The following SVEP1 variants were observed in gnomAD, a reference collection of about 807,000 sequenced individuals.
The protein encoded by SVEP1 is sushi, von Willebrand factor type A, EGF and pentraxin domain-containing protein 1.
SVEP1 carries 164 observed loss-of-function variants against 367.3 expected under a neutral mutation model. The ratio of observed to expected loss-of-function variants is 0.45; its 90% CI spans 0.39 to 0.51. SVEP1 has a LOEUF of 0.51. Among genes scored for constraint, SVEP1 ranks in the 20% least tolerant of loss-of-function variants. The pLI is 0.00. For missense variants in SVEP1, 4,117 were observed against 4,425.3 expected, an observed-to-expected ratio of 0.93 and a Z score of 1.98; for synonymous variants, 1,666 against 1,611.6, an observed-to-expected ratio of 1.03 and a Z score of -0.81.
chr9:110,508,066 T>C (rs907545320), intron 5 of SVEP1, among the ~76,000 whole-genome samples: 4 of 152,250 alleles, frequency 2.6e-5, no homozygotes, highest in Admixed American at 6.5e-5. Flanking sequence ...AATACCATTT[T>C]AATAGGTACA....
chr9:110,400,763 G>A, intron 40 of SVEP1, 91 bp downstream of exon 40: 1 of 1,346,192 alleles, frequency 7.4e-7, no homozygotes, highest in Non-Finnish European at 1.0e-6. Context: ...TGAGACCAAA[G>A]TCAGTAAAAC....
In SVEP1 at chr9:110,432,021, A is replaced by G; in HGVS notation, c.5247T>C (p.Cys1749=). Residue 1749 remains cysteine, a synonymous_variant, in exon 32 of 48, where the codon TGT becomes TGC. Transcript: ENST00000374469. Reference sequence around the variant, plus strand: ...GCTCACTACAATCTGATCCAACTGCACACTCATCGACATCTAAAATGAAGA... The same window carrying G: ...GCTCACTACAATCTGATCCAACTGCGCACTCATCGACATCTAAAATGAAGA... ...VSPSCLDVDE[C]AVGSDCSEHA... The G allele has an allele frequency of 6.2e-7, 1 of 1,601,130 alleles. No individual in the cohort carries two copies. Among genetic ancestry groups the G allele is most frequent in the Non-Finnish European group, 8.5e-7 (1 of 1,175,384 alleles).
chr9:110,565,222 G>A (rs751878509), intron 1 of SVEP1, among the ~76,000 whole-genome samples: 24 of 152,196 alleles, frequency 1.6e-4, no homozygotes, highest in South Asian at 6.2e-4. Context: ...GAGTAACTCA[G>A]ATTAGGATAA....
intron 25 of SVEP1, 59 bp downstream of exon 25, chr9:110,446,841 T>C: frequency 7.2e-7 from 1 of 1,394,628 alleles, no homozygotes; most frequent in Non-Finnish European, 9.3e-7. Flanking sequence ...AAATTGGTAT[T>C]ATTGTTATTA....
intron 21 of SVEP1, among the ~76,000 whole-genome samples, chr9:110,456,637 A>C (rs1338619847): frequency 6.6e-6 from 1 of 152,202 alleles, no homozygotes; most frequent in Non-Finnish European, 1.5e-5. Context: ...ACATTGAAAA[A>C]AACTGTCTAG....
chr9:110,544,675 C>T (rs901499576), intron 3 of SVEP1, among the ~76,000 whole-genome samples: 23 of 152,032 alleles, frequency 1.5e-4, no homozygotes, highest in Non-Finnish European at 3.2e-4. Context: ...GCATGGGGCA[C>T]AGTAAGATAT....
chr9:110,392,397 T>A (rs2148876), intron 40 of SVEP1, among the ~76,000 whole-genome samples: 2 of 151,746 alleles, frequency 1.3e-5, no homozygotes, highest in South Asian at 2.1e-4. Context: ...GGCTTGATAA[T>A]TTCCGTATTC....
intron 18 of SVEP1, among the ~76,000 whole-genome samples, chr9:110,462,096 GA>G (rs1425314037): frequency 6.6e-6 from 1 of 151,984 alleles, no homozygotes; most frequent in Non-Finnish European, 1.5e-5. Flanking sequence ...ATGAAATGCT[GA>G]AAAGATAAAT....
chr9:110,530,659 C>A (rs375280955), intron 3 of SVEP1, among the ~76,000 whole-genome samples: 1 of 152,076 alleles, frequency 6.6e-6, no homozygotes, highest in African/African-American at 2.4e-5. Flanking sequence ...GCCTCAGCCA[C>A]CCATTTAGCT....
rs534177554 is a variant in SVEP1 at position 110,482,538 on chromosome 9, A to AT, written c.2039-47dup. 2,470 of 1,542,658 alleles carry AT rather than the reference A, an allele frequency of 1.6e-3. 3 individuals are homozygous for AT. The highest frequency in any genetic ancestry group is 1.9e-3 in the Non-Finnish European group (2,132 of 1,142,788). The stretch of plus-strand genomic sequence containing the variant: ...CCAATTTTTGGGTTGTATTCACAAT[A>AT]TTTTTTTTGAAACAGTCTTACTCTG... On this transcript the variant is annotated intron_variant, in intron 10 of 47. Transcript: ENST00000374469.
intron 36 of SVEP1, among the ~76,000 whole-genome samples, chr9:110,425,024 GAAGAA>G (rs1426899101): frequency 5.3e-5 from 8 of 152,274 alleles, no homozygotes; most frequent in African/African-American, 1.7e-4. Context: ...AATTTGGCCA[GAAGAA>G]ATGAACAAGA....
intron 24 of SVEP1, among the ~76,000 whole-genome samples, chr9:110,448,040 A>C (rs1828630558): frequency 6.6e-6 from 1 of 152,260 alleles, no homozygotes; most frequent in African/African-American, 2.4e-5. Context: ...CTGTTTATAG[A>C]AGTCATATAT....
chr9:110,473,335 A>G (rs1829048971), intron 14 of SVEP1, among the ~76,000 whole-genome samples: 1 of 152,218 alleles, frequency 6.6e-6, no homozygotes, highest in Admixed American at 6.5e-5. Flanking sequence ...AAAAATTACT[A>G]CAATGCTACC....
chr9:110,393,558 G>T (rs912266199), intron 40 of SVEP1, among the ~76,000 whole-genome samples: 1 of 152,186 alleles, frequency 6.6e-6, no homozygotes, highest in Non-Finnish European at 1.5e-5. Context: ...GCAGAATGAG[G>T]CATCGCCTCA....
chr9:110,443,820 G>A, intron 26 of SVEP1, 100 bp from the exon 27 acceptor site: 1 of 1,047,906 alleles, frequency 9.5e-7, no homozygotes, highest in Non-Finnish European at 1.3e-6. Flanking sequence ...TTTTTTTGTG[G>A]GTAAAGTACT....
In SVEP1 at chr9:110,430,345, T is replaced by C. The variant is rs750400163; in HGVS notation, c.5459A>G (p.Gln1820Arg). 29 of 1,613,580 alleles carry C rather than the reference T, an allele frequency of 1.8e-5. No homozygotes were observed. The South Asian group carries it at 3.2e-4, about 18-fold the overall frequency. Residue 1820 changes from glutamine (Q) to arginine (R), a missense_variant, in exon 33 of 48, where the codon CAG becomes CGG. By Grantham distance (43) the Gln-to-Arg change is conservative. Around this residue, in one of 4 missense-constraint regions of SVEP1, gnomAD observed 2,174 missense variants for 2,494.3 expected, o/e 0.87. Coordinates refer to ENST00000374469, the MANE Select transcript of SVEP1 (RefSeq NM_153366.4). ...EVTFSCQEGY[Q>R]LMGVTKITCL... ...TGTGATTTTGGTTACTCCCATCAAC[T>C]GGTATCCTTCCTGACACGAAAATGT...
intron 3 of SVEP1, among the ~76,000 whole-genome samples, chr9:110,517,088 AT>A (rs1829813258): frequency 6.6e-6 from 1 of 152,220 alleles, no homozygotes; most frequent in South Asian, 2.1e-4. Context: ...CCCAAGTTTT[AT>A]TATGTGGGCA....
chr9:110,428,585 T>G (rs2118545836), intron 35 of SVEP1, among the ~76,000 whole-genome samples: 1 of 152,316 alleles, frequency 6.6e-6, no homozygotes. Flanking sequence ...CATAAACTAT[T>G]TTTGCTTTCA....
At chr9:110,423,167 G>A (rs1340036879) in intron 36 of SVEP1, among the ~76,000 whole-genome samples, 35 of 66,874 alleles carry the variant, frequency 5.2e-4, no homozygotes, top group East Asian at 3.4e-3. Flanking sequence ...AAAAAATAAA[G>A]TAAAAAAAAA....
Sources: gnomAD v4.1 joint callset for allele counts (sites outside exome capture counted in the v4.1 genomes callset) on GRCh38, gnomAD v4.1.1 for gene constraint, gnomAD v4.1.1 regional missense constraint, MANE v1.5 for transcripts, NCBI Gene and HGNC (gene_info 2026-07-23, HGNC 2026-07-21) for gene names.